Variants in AMELY observed in about 807,000 individuals in gnomAD.
AMELY encodes amelogenin, Y isoform.
Under a neutral mutation model 4.2 loss-of-function variants are expected in AMELY, and 4 were observed. The observed-to-expected ratio is 0.96, with a 90% CI of 0.47 to 2.19. AMELY has a LOEUF of 2.19. Among genes scored for constraint, AMELY ranks in the 30% most tolerant of loss-of-function variants. The probability of loss-of-function intolerance (pLI) is 0.02; values close to 1 mark genes in which losing one functional copy is unlikely to be tolerated. For missense variants in AMELY, 32 were observed against 41.5 expected (o/e 0.77, Z 0.63); for synonymous variants, 11 against 14.7 (o/e 0.75, Z 0.57).
chrY:6,895,749 G>T (rs1027366573), intron 1 of AMELY, among the ~76,000 whole-genome samples: 3 of 33,236 alleles, frequency 9.0e-5, no homozygotes. Context: ...CCTCTTTTTT[G>T]GTTCCATATG....
intron 1 of AMELY, among the ~76,000 whole-genome samples, chrY:6,885,346 A>G (rs1021837798): frequency 6.8e-4 from 23 of 33,798 alleles, no homozygotes; most frequent in African/African-American, 1.4e-3. Context: ...GTGGTGGTGG[A>G]CACCTGTAGT....
Position 6,872,574 on chromosome Y carries a change from C to T in AMELY, c.35G>A (p.Gly12Glu). ...GTWILFACLV[G>E]AAFAMPLPPH... ...ACTCACAGGCATGGCAAAAGCTGCT[C>T]CCACAAGGCAGGCAAACAAAATCCA... The change falls in exon 3 of 7, where the codon GGA (glycine) becomes GAA (glutamate). Residue 12 changes from glycine (G) to glutamate (E), a missense_variant. By Grantham distance (98) the Gly-to-Glu change is moderately conservative. Transcript: ENST00000651267. The T allele has an allele frequency of 2.5e-6, 1 of 397,430 alleles. No individual in the cohort carries two copies. The highest frequency in any genetic ancestry group is 3.0e-5 in the South Asian group (1 of 33,350).
intron 1 of AMELY, among the ~76,000 whole-genome samples, chrY:6,886,602 T>C (rs915356871): frequency 3.0e-5 from 1 of 33,505 alleles, no homozygotes; most frequent in African/African-American, 1.2e-4. Context: ...AAGCCTACGG[T>C]TGAGGGTTAC....
At chrY:6,883,572 C>G (rs763875529) in intron 1 of AMELY, among the ~76,000 whole-genome samples, 5 of 32,413 alleles carry the variant, frequency 1.5e-4, no homozygotes, top group Non-Finnish European at 3.0e-4. Context: ...ACATGTACCC[C>G]AGAACTTAAA....
chrY:6,880,670 G>A (rs906474265), intron 1 of AMELY, among the ~76,000 whole-genome samples: 23 of 32,688 alleles, frequency 7.0e-4, no homozygotes, highest in Non-Finnish European at 1.7e-3. Context: ...GACTTTTTTT[G>A]GTTGGTAGGC....
chrY:6,907,379 C>CAAAAAA (rs780119415), intron 1 of AMELY, among the ~76,000 whole-genome samples: 35 of 21,369 alleles, frequency 1.6e-3, no homozygotes, highest in Non-Finnish European at 3.9e-4. Context: ...ACTCTGTCTC[C>CAAAAAA]AAAAAAAAAA....
intron 1 of AMELY, among the ~76,000 whole-genome samples, chrY:6,897,593 T>C (rs1603022977): frequency 3.7e-5 from 1 of 26,695 alleles, no homozygotes; most frequent in Non-Finnish European, 8.7e-5. Flanking sequence ...TTTTTTTTTT[T>C]GGTCGGTTTT....
At chrY:6,877,832 C>T (rs772258739) in intron 1 of AMELY, among the ~76,000 whole-genome samples, 4 of 33,167 alleles carry the variant, frequency 1.2e-4, no homozygotes, top group African/African-American at 4.7e-4. Flanking sequence ...TTCACCATAA[C>T]GTCAACTAAT....
chrY:6,899,058 G>A (rs2054087628), intron 1 of AMELY, among the ~76,000 whole-genome samples: 2 of 33,535 alleles, frequency 6.0e-5, no homozygotes, highest in African/African-American at 2.3e-4. Flanking sequence ...TCCTCTCAGC[G>A]TACATTTGAT....
In AMELY at chrY:6,887,719, T is replaced by C. The variant is rs747992527; in HGVS notation, c.-112-13648A>G. 1.2e-4 allele frequency among the ~76,000 whole-genome samples: 4 copies of C among 32,842 alleles called. No homozygotes were observed. The South Asian group carries it at 2.8e-3, about 23-fold the overall frequency. 88.1% of individuals were successfully genotyped at this position (32,842 alleles called of 37,273 possible). A position where few individuals can be genotyped will look rare whatever the true frequency, so the allele number is the denominator to read the frequency against. On this transcript the variant is annotated intron_variant, in intron 1 of 6. Transcript: ENST00000651267. The stretch of plus-strand genomic sequence containing the variant: ...GTGTGTCTTCCCCTCCCTGTGTCCA[T>C]GTGTTCTAATCGTTCAACTCCAACT...
chrY:6,871,156 A>G (rs2054067186), intron 3 of AMELY, among the ~76,000 whole-genome samples: 1 of 32,808 alleles, frequency 3.0e-5, no homozygotes, highest in African/African-American at 1.2e-4. Flanking sequence ...TCAGGAAGGC[A>G]GAGCACAGAA....
At chrY:6,877,111 AC>A (rs2054072221) in intron 1 of AMELY, among the ~76,000 whole-genome samples, 1 of 32,458 alleles carries the variant, frequency 3.1e-5, no homozygotes. Flanking sequence ...GACAATTCCC[AC>A]CACTCTGCTG....
intron 1 of AMELY, among the ~76,000 whole-genome samples, chrY:6,885,858 T>C (rs574415267): frequency 2.9e-5 from 1 of 34,089 alleles, no homozygotes; most frequent in Admixed American, 2.7e-4. Flanking sequence ...ACAATAGACA[T>C]TGGGCTTACT....
intron 1 of AMELY, among the ~76,000 whole-genome samples, chrY:6,884,038 A>G (rs2054076998): frequency 3.0e-5 from 1 of 33,069 alleles, no homozygotes; most frequent in Non-Finnish European, 7.4e-5. Flanking sequence ...TGAAGTTAAC[A>G]TTAAAAAAAA....
intron 1 of AMELY, among the ~76,000 whole-genome samples, chrY:6,885,923 T>G: frequency 2.9e-5 from 1 of 34,532 alleles, no homozygotes; most frequent in Non-Finnish European, 7.3e-5. Context: ...TATCAGGTAC[T>G]ATGCTCATCA....
In AMELY at chrY:6,868,720, A is replaced by G; in HGVS notation, c.147+12T>C. ...ATATTTTCAGGGAATAAAGAACAAA[A>G]TGTCTACATACTGGTGGTCTTATCA... On this transcript the variant is annotated intron_variant, in intron 5 of 6. Transcript: ENST00000651267. The G allele has an allele frequency of 5.1e-6, 2 of 391,143 alleles. No homozygotes were observed. The highest frequency in any genetic ancestry group is 7.2e-6 in the Non-Finnish European group (2 of 277,204).
intron 1 of AMELY, among the ~76,000 whole-genome samples, chrY:6,884,292 G>C: frequency 3.7e-5 from 1 of 26,717 alleles, no homozygotes; most frequent in Non-Finnish European, 8.6e-5. Flanking sequence ...GGGCTGGGGG[G>C]CTGGGGGGGG....
At chrY:6,891,633 G>A in intron 1 of AMELY, among the ~76,000 whole-genome samples, 6 of 33,508 alleles carry the variant, frequency 1.8e-4, no homozygotes. Context: ...TCTTCCATAA[G>A]GTGTTTAAAT....
At chrY:6,884,897 C>G in intron 1 of AMELY, among the ~76,000 whole-genome samples, 2 of 32,824 alleles carry the variant, frequency 6.1e-5, no homozygotes, top group Admixed American at 5.6e-4. Context: ...AAAAAACAAG[C>G]AACTGTATTA....
Sources: gnomAD v4.1 joint callset for allele counts (sites outside exome capture counted in the v4.1 genomes callset) on GRCh38, gnomAD v4.1.1 for gene constraint, MANE v1.5 for transcripts, NCBI Gene and HGNC (gene_info 2026-07-23, HGNC 2026-07-21) for gene names.